PTPRT: variants seen among roughly 807,000 people sequenced by gnomAD.
PTPRT encodes the protein protein tyrosine phosphatase receptor type T.
A neutral mutation model predicts 176.8 loss-of-function variants in PTPRT; 56 were observed. The ratio of observed to expected loss-of-function variants is 0.32; its 90% CI spans 0.26 to 0.40. The LOEUF is 0.40. PTPRT is among the 10% of genes least tolerant of loss of function. PTPRT has a pLI of 1.00. For missense variants in PTPRT, 1,540 were observed against 1,908.2 expected (o/e 0.81, Z 3.60); for synonymous variants, 783 against 739.0 (o/e 1.06, Z -0.96).
intron 11 of PTPRT, among the ~76,000 whole-genome samples, chr20:42,349,961 A>G (rs2058251997): frequency 6.6e-6 from 1 of 152,188 alleles, no homozygotes. Flanking sequence ...AAGTGCCCCT[A>G]TGGGACTCCA....
chr20:42,804,937 C>A (rs1347048118), intron 2 of PTPRT, among the ~76,000 whole-genome samples: 1 of 152,082 alleles, frequency 6.6e-6, no homozygotes, highest in Non-Finnish European at 1.5e-5. Context: ...TGACTACTTC[C>A]AAATAAGGTC....
intron 1 of PTPRT, among the ~76,000 whole-genome samples, chr20:42,914,612 A>T (rs1319254091): frequency 6.6e-6 from 1 of 152,226 alleles, no homozygotes; most frequent in Non-Finnish European, 1.5e-5. Flanking sequence ...GGTTCTATTT[A>T]TCTGACATCC....
chr20:42,985,636 T>A (rs957645839), intron 1 of PTPRT, among the ~76,000 whole-genome samples: 1 of 152,172 alleles, frequency 6.6e-6, no homozygotes, highest in African/African-American at 2.4e-5. Context: ...TGCACTTTTT[T>A]AAAAATACAG....
chr20:42,389,525 C>T (rs1366744704), intron 9 of PTPRT, among the ~76,000 whole-genome samples: 1 of 152,074 alleles, frequency 6.6e-6, no homozygotes. Context: ...CATGAGGTGT[C>T]TATCCTTTTG....
intron 19 of PTPRT, among the ~76,000 whole-genome samples, chr20:42,123,159 T>G (rs1234645272): frequency 6.6e-6 from 1 of 152,188 alleles, no homozygotes; most frequent in Non-Finnish European, 1.5e-5. Context: ...ATCCTCTTAA[T>G]GCTCAGGCTG....
Position 42,928,031 on chromosome 20 carries a change from T to C in PTPRT, c.89-42099A>G, listed in dbSNP as rs372261154. On this transcript the variant is annotated intron_variant, in intron 1 of 30. Coordinates refer to ENST00000373187, the MANE Select transcript of PTPRT (RefSeq NM_007050.6). ...GCACCGTGTAGCACAGGGCCTGCCA[T>C]GCAGCAGTTGTGAGTACAAACTGGG... 1.3e-3 allele frequency among the ~76,000 whole-genome samples: 192 copies of C among 152,292 alleles called. 1 individual carries two copies. The highest frequency in any genetic ancestry group is 4.3e-3 in the African/African-American group (180 of 41,572).
rs1369029250 is a variant in PTPRT, at chr20:42,245,540, TTC to T, written c.2312+3145_2312+3146del. On this transcript the variant is annotated intron_variant, in intron 14 of 30. Coordinates refer to ENST00000373187, the MANE Select transcript of PTPRT (RefSeq NM_007050.6). The stretch of plus-strand genomic sequence containing the variant: ...AAACACCTCTCAAGTTTTGTTGATA[TTC>T]TCTCTTTTCCCTCCTCTATTTTGTA... Among the ~76,000 whole-genome samples, 10 of 152,354 alleles carry T rather than the reference TTC, an allele frequency of 6.6e-5. No individual in the cohort carries two copies. The East Asian group carries it at 1.5e-3, about 24-fold the overall frequency.
chr20:42,973,279 CGTTT>C (rs1982760149), intron 1 of PTPRT, among the ~76,000 whole-genome samples: 1 of 152,002 alleles, frequency 6.6e-6, no homozygotes, highest in Non-Finnish European at 1.5e-5. Context: ...GGAAGTAGTA[CGTTT>C]TGGGGAGGAA....
intron 9 of PTPRT, among the ~76,000 whole-genome samples, chr20:42,432,534 C>A (rs2059224393): frequency 1.3e-5 from 2 of 152,178 alleles, no homozygotes; most frequent in Admixed American, 1.3e-4. Context: ...ACATTCCCTC[C>A]CTTTTGGATT....
chr20:42,939,263 C>G (rs1348378963), intron 1 of PTPRT, among the ~76,000 whole-genome samples: 2 of 152,196 alleles, frequency 1.3e-5, no homozygotes, highest in Admixed American at 6.5e-5. Context: ...CCAGGCTAAT[C>G]TGGGGTGAGG....
chr20:42,710,105 A>G (rs988793880), intron 6 of PTPRT, among the ~76,000 whole-genome samples: 1 of 152,230 alleles, frequency 6.6e-6, no homozygotes, highest in African/African-American at 2.4e-5. Flanking sequence ...CTTATAATTA[A>G]AAGAAAAGCA....
chr20:42,741,624 G>T (rs1015526738), intron 6 of PTPRT, among the ~76,000 whole-genome samples: 1 of 152,142 alleles, frequency 6.6e-6, no homozygotes, highest in Admixed American at 6.5e-5. Context: ...GGGATTACAG[G>T]CATGAGCCAC....
intron 12 of PTPRT, among the ~76,000 whole-genome samples, chr20:42,300,257 CAA>C (rs761176814): frequency 9.5e-4 from 47 of 49,620 alleles, no homozygotes; most frequent in African/African-American, 3.5e-3. Flanking sequence ...AACTCCGTCT[CAA>C]AAAAAAAAAA....
At chr20:42,135,516 C>G (rs1436447423) in intron 18 of PTPRT, among the ~76,000 whole-genome samples, 1 of 152,154 alleles carries the variant, frequency 6.6e-6, no homozygotes, top group Non-Finnish European at 1.5e-5. Flanking sequence ...GATACACGTT[C>G]AGGTTTGAGT....
intron 6 of PTPRT, among the ~76,000 whole-genome samples, chr20:42,707,466 G>A (rs545424364): frequency 2.6e-5 from 4 of 152,282 alleles, no homozygotes; most frequent in East Asian, 1.9e-4. Flanking sequence ...TCCTTCTGGC[G>A]AAAGAGATGT....
intron 1 of PTPRT, among the ~76,000 whole-genome samples, chr20:43,143,483 C>T (rs2014079187): frequency 6.6e-6 from 1 of 152,210 alleles, no homozygotes; most frequent in Non-Finnish European, 1.5e-5. Context: ...CCCAGCATGA[C>T]AGCACCTAGG....
chr20:42,602,679 T>C (rs545816694), intron 7 of PTPRT, among the ~76,000 whole-genome samples: 1 of 152,126 alleles, frequency 6.6e-6, no homozygotes, highest in African/African-American at 2.4e-5. Flanking sequence ...GTTCTTTTTT[T>C]CTCCTATAGC....
At chr20:42,630,433 G>T (rs1323226518) in intron 7 of PTPRT, among the ~76,000 whole-genome samples, 1 of 151,998 alleles carries the variant, frequency 6.6e-6, no homozygotes, top group Non-Finnish European at 1.5e-5. Flanking sequence ...GCCCTGACTT[G>T]GGGGGAGGGT....
At chr20:42,473,690 G>T (rs567621301) in intron 7 of PTPRT, among the ~76,000 whole-genome samples, 1 of 152,090 alleles carries the variant, frequency 6.6e-6, no homozygotes, top group Non-Finnish European at 1.5e-5. Flanking sequence ...GCCCAGGCTG[G>T]TCTCAAACTC....
Sources: allele counts gnomAD v4.1 joint callset (sites outside exome capture counted in the v4.1 genomes callset), GRCh38; gene constraint gnomAD v4.1.1; transcripts MANE v1.5; gene names NCBI Gene and HGNC (gene_info 2026-07-23, HGNC 2026-07-21).